Variants in NPHP1 observed in about 807,000 individuals in gnomAD.
The protein encoded by NPHP1 is nephrocystin 1.
NPHP1 carries 70 observed loss-of-function variants against 90.4 expected under a neutral mutation model. That is an observed-to-expected ratio of 0.77 (90% CI 0.64 to 0.95). The LOEUF is 0.95. Ranked by LOEUF, NPHP1 falls within the 40% of genes least tolerant of loss-of-function variation. The pLI, the probability that NPHP1 is intolerant of heterozygous loss-of-function variation, is 0.00. For synonymous variants in NPHP1, 256 were observed against 271.7 expected, an observed-to-expected ratio of 0.94 and a Z score of 0.57; for missense variants, 764 against 795.9, an observed-to-expected ratio of 0.96 and a Z score of 0.48.
intron 2 of NPHP1, among the ~76,000 whole-genome samples, chr2:110,186,269 T>C (rs1474190319): frequency 3.3e-5 from 5 of 152,200 alleles, no homozygotes. Context: ...AATTTTTCTT[T>C]GGCAGAGGCC....
At chr2:110,176,966 T>C (rs1255548288) in intron 4 of NPHP1, among the ~76,000 whole-genome samples, 2 of 152,190 alleles carry the variant, frequency 1.3e-5, no homozygotes, top group Non-Finnish European at 2.9e-5. Flanking sequence ...CTTCTCTCTA[T>C]GGCACCTTGC....
At chr2:110,171,722 G>T (rs1162223933) in intron 4 of NPHP1, among the ~76,000 whole-genome samples, 1 of 152,120 alleles carries the variant, frequency 6.6e-6, no homozygotes, top group East Asian at 1.9e-4. Context: ...GAATTTCAAT[G>T]ATTGATTTTT....
chr2:110,125,811 A>G (rs1679318374), intron 18 of NPHP1, 130 bp from the exon 19 acceptor site: 1 of 778,092 alleles, frequency 1.3e-6, no homozygotes, highest in South Asian at 1.4e-5. Context: ...TACAAGCAAG[A>G]AGTGAATCTG....
intron 10 of NPHP1, among the ~76,000 whole-genome samples, 193 bp downstream of exon 10, chr2:110,161,410 G>C (rs1191202887): frequency 6.6e-6 from 1 of 152,148 alleles, no homozygotes; most frequent in Non-Finnish European, 1.5e-5. Context: ...CAATGGAGAA[G>C]AGAAACAAGA....
chr2:110,136,151 T>C (rs991581599), intron 16 of NPHP1, among the ~76,000 whole-genome samples: 135 of 152,104 alleles, frequency 8.9e-4, no homozygotes, highest in Non-Finnish European at 1.2e-3. Context: ...CTCAATAAAT[T>C]AGGTATTGAT....
intron 2 of NPHP1, among the ~76,000 whole-genome samples, chr2:110,188,346 T>C (rs1329900814): frequency 6.6e-6 from 1 of 152,092 alleles, no homozygotes; most frequent in African/African-American, 2.4e-5. Flanking sequence ...TGTGCAAAAA[T>C]TGCTAGCATT....
intron 17 of NPHP1, among the ~76,000 whole-genome samples, chr2:110,131,430 A>G (rs1352452196): frequency 1.3e-5 from 2 of 152,200 alleles, no homozygotes; most frequent in African/African-American, 4.8e-5. Flanking sequence ...GACTCTTGGG[A>G]TCTCAAAACT....
Position 110,161,934 on chromosome 2 carries a change from T to C in NPHP1, c.860-237A>G, listed in dbSNP as rs557909940. ...TTAAAGCACCTTTAAGAAAGACTTT[T>C]AGGCCAATAATATGCCCCATGATGA... On this transcript the variant is annotated intron_variant, in intron 9 of 19. Transcript: ENST00000445609. Among the ~76,000 whole-genome samples, 6 of 152,290 alleles carry C rather than the reference T, an allele frequency of 3.9e-5. No homozygotes were observed. In the East Asian group the frequency reaches 1.2e-3, roughly 29 times the overall value.
At chr2:110,178,290 A>T in intron 4 of NPHP1, 133 bp downstream of exon 4, 1 of 902,564 alleles carries the variant, frequency 1.1e-6, no homozygotes, top group Non-Finnish European at 1.8e-6. Flanking sequence ...TACACAATAA[A>T]TAAATGTTGA....
Position 110,165,068 on chromosome 2 carries a change from C to T in NPHP1, c.712G>A (p.Ala238Thr), listed in dbSNP as rs201661196. The change falls in exon 7 of 20, where the codon GCA (alanine) becomes ACA (threonine). Residue 238 changes from alanine (A) to threonine (T), a missense_variant. Physicochemically the swap from Ala to Thr is moderately conservative, Grantham distance 58. Transcript: ENST00000445609. ...CTTTTGTACCTTTGCTTAACTTCTG[C>T]TCCATCTGCTGTTTCATCCACCGCC... is the stretch of plus-strand genomic sequence containing the variant. ...VEAVDETADGAEVKQRTDPHW... is the reference protein window; with the variant it reads ...VEAVDETADGTEVKQRTDPHW... The T allele has an allele frequency of 3.1e-6, 5 of 1,612,938 alleles. No individual in the cohort carries two copies. Among genetic ancestry groups the T allele is most frequent in the African/African-American group, 1.3e-5 (1 of 74,878 alleles).
At chr2:110,180,692 AG>A (rs988601538) in intron 2 of NPHP1, among the ~76,000 whole-genome samples, 2 of 152,014 alleles carry the variant, frequency 1.3e-5, no homozygotes, top group African/African-American at 2.4e-5. Context: ...CCAGGGAACA[AG>A]GGGAACAAGA....
At chr2:110,168,134 A>C (rs2104571842) in intron 6 of NPHP1, among the ~76,000 whole-genome samples, 1 of 152,312 alleles carries the variant, frequency 6.6e-6, no homozygotes, top group Middle Eastern at 3.4e-3. Flanking sequence ...TATTTGTGGA[A>C]GTTAACACAA....
rs1199209110 is a variant in NPHP1, at chr2:110,165,174, G to A, written c.625-19C>T. ...TATAAGGCTAAAAAACCATTGAAAT[G>A]TGAAGTGCTTTTTAACTAATGCAAA... On this transcript the variant is annotated intron_variant, in intron 6 of 19. Coordinates refer to ENST00000445609, the MANE Select transcript of NPHP1 (RefSeq NM_001128178.3). 1 of 1,582,988 alleles carries A rather than the reference G, an allele frequency of 6.3e-7. No individual in the cohort carries two copies. The highest frequency in any genetic ancestry group is 8.7e-7 in the Non-Finnish European group (1 of 1,152,228).
At chr2:110,162,095 G>A (rs981755246) in intron 9 of NPHP1, among the ~76,000 whole-genome samples, 1 of 152,084 alleles carries the variant, frequency 6.6e-6, no homozygotes, top group Non-Finnish European at 1.5e-5. Flanking sequence ...CTTTAGTCAT[G>A]AATAATACTT....
intron 4 of NPHP1, among the ~76,000 whole-genome samples, chr2:110,175,705 G>A (rs1683458863): frequency 6.6e-6 from 1 of 151,886 alleles, no homozygotes; most frequent in African/African-American, 2.4e-5. Flanking sequence ...TCTGTTTGGG[G>A]TTCCCTGAGA....
chr2:110,163,310 T>C (rs1330283773), intron 8 of NPHP1, 175 bp from the exon 9 acceptor site: 2 of 617,996 alleles, frequency 3.2e-6, no homozygotes, highest in Non-Finnish European at 5.9e-6. Flanking sequence ...CACAGCACCC[T>C]GGCCTCTCCT....
intron 4 of NPHP1, among the ~76,000 whole-genome samples, chr2:110,171,579 A>G (rs920366871): frequency 1.3e-5 from 2 of 152,162 alleles, no homozygotes; most frequent in Non-Finnish European, 2.9e-5. Flanking sequence ...ATAAAATGTC[A>G]TATTGATTTT....
intron 17 of NPHP1, among the ~76,000 whole-genome samples, chr2:110,131,261 C>T (rs576558663): frequency 6.6e-6 from 1 of 152,220 alleles, no homozygotes; most frequent in African/African-American, 2.4e-5. Flanking sequence ...TATCTGGATT[C>T]ACCAATTTAA....
In NPHP1 at chr2:110,164,655, C is replaced by T. The variant is rs751388694; in HGVS notation, c.771+33G>A. On this transcript the variant is annotated intron_variant, in intron 8 of 19. Coordinates refer to ENST00000445609, the MANE Select transcript of NPHP1 (RefSeq NM_001128178.3). ...GCATCAGAACTATTAGGTAGCAAAA[C>T]GAGACATGATTAACAAGACAGAAGA... 3.7e-5 allele frequency: 60 copies of T among 1,613,768 alleles called. No homozygotes were observed. In the Admixed American group the frequency reaches 5.8e-4, roughly 16 times the overall value.
Sources: gnomAD v4.1 joint callset for allele counts (sites outside exome capture counted in the v4.1 genomes callset) on GRCh38, gnomAD v4.1.1 for gene constraint, MANE v1.5 for transcripts, NCBI Gene and HGNC (gene_info 2026-07-23, HGNC 2026-07-21) for gene names.